The following RAB3C variants were observed in gnomAD, a reference collection of about 807,000 sequenced individuals.
RAB3C encodes the protein ras-related protein Rab-3C.
RAB3C carries 17 observed loss-of-function variants against 26.4 expected under a neutral mutation model. The observed-to-expected ratio is 0.64, with a 90% CI of 0.44 to 0.97. The LOEUF is 0.97. RAB3C is among the 50% of genes least tolerant of loss of function. The pLI is 0.00. For synonymous variants in RAB3C, 91 were observed against 95.9 expected (o/e 0.95, Z 0.30); for missense variants, 242 against 281.9 (o/e 0.86, Z 1.01).
intron 3 of RAB3C, among the ~76,000 whole-genome samples, chr5:58,809,760 G>C (rs1264895573): frequency 6.6e-6 from 1 of 152,152 alleles, no homozygotes; most frequent in African/African-American, 2.4e-5. Context: ...GCACCAGAGA[G>C]AGATCCCTCA....
chr5:58,758,643 G>A (rs1240933276), intron 3 of RAB3C, among the ~76,000 whole-genome samples: 1 of 152,084 alleles, frequency 6.6e-6, no homozygotes, highest in African/African-American at 2.4e-5. Context: ...AGATAATAAA[G>A]AAATAAATAC....
At chr5:58,724,536 A>G (rs1376791082) in intron 2 of RAB3C, among the ~76,000 whole-genome samples, 1 of 151,764 alleles carries the variant, frequency 6.6e-6, no homozygotes, top group Non-Finnish European at 1.5e-5. Context: ...ATAGTGGTGG[A>G]GCTAATATAC....
chr5:58,628,130 C>T (rs1747099854), intron 2 of RAB3C, among the ~76,000 whole-genome samples: 1 of 118,962 alleles, frequency 8.4e-6, no homozygotes, highest in East Asian at 2.8e-4. Flanking sequence ...GCACTCCAGC[C>T]TGGGCGACAA....
rs545233881 is a variant in RAB3C at position 58,773,859 on chromosome 5, C to T, written c.371+47739C>T. On this transcript the variant is annotated intron_variant, in intron 3 of 4. Transcript: ENST00000282878. Reference sequence around the variant, plus strand: ...CATCTGCTTTTTTTCTGCTTCTGCTCCCAAGTTGCAAATGCTGCTGGAGAA... The same window carrying T: ...CATCTGCTTTTTTTCTGCTTCTGCTTCCAAGTTGCAAATGCTGCTGGAGAA... Among the ~76,000 whole-genome samples the T allele has an allele frequency of 2.0e-5, 3 of 152,236 alleles. No individual in the cohort carries two copies. The East Asian group carries it at 5.8e-4, about 29-fold the overall frequency.
intron 2 of RAB3C, among the ~76,000 whole-genome samples, chr5:58,653,826 A>G (rs981215125): frequency 2.6e-5 from 4 of 152,220 alleles, no homozygotes; most frequent in Non-Finnish European, 1.5e-5. Context: ...TTGAAGTCAT[A>G]GAAAGATACA....
chr5:58,687,376 T>C (rs765031060), intron 2 of RAB3C, among the ~76,000 whole-genome samples: 1 of 152,186 alleles, frequency 6.6e-6, no homozygotes, highest in Non-Finnish European at 1.5e-5. Context: ...CCATTTAAGT[T>C]GATTTCTTCC....
chr5:58,628,453 G>A (rs879144981), intron 2 of RAB3C, among the ~76,000 whole-genome samples: 4 of 152,168 alleles, frequency 2.6e-5, no homozygotes, highest in Admixed American at 2.0e-4. Context: ...GGAAAGACCT[G>A]TAGCTGTAGT....
intron 2 of RAB3C, among the ~76,000 whole-genome samples, chr5:58,645,398 G>A (rs185327528): frequency 6.6e-6 from 1 of 152,298 alleles, no homozygotes; most frequent in South Asian, 2.1e-4. Flanking sequence ...TTACAAAGAT[G>A]CATGAAATAC....
intron 1 of RAB3C, among the ~76,000 whole-genome samples, chr5:58,597,589 T>A (rs993103153): frequency 7.1e-4 from 90 of 126,880 alleles, no homozygotes; most frequent in African/African-American, 2.3e-3. Flanking sequence ...AATATATAGT[T>A]CATTATATAT....
chr5:58,824,533 A>G (rs185044067), intron 3 of RAB3C, among the ~76,000 whole-genome samples: 180 of 152,308 alleles, frequency 1.2e-3, no homozygotes, highest in African/African-American at 3.7e-3. Flanking sequence ...TACTTCTCCC[A>G]GATTTCCTAA....
Position 58,726,217 on chromosome 5 carries a change from A to G in RAB3C, c.371+97A>G. 9.8e-6 allele frequency: 6 copies of G among 610,644 alleles called. No individual in the cohort carries two copies. In the South Asian group the frequency reaches 1.6e-4, roughly 16 times the overall value. 37.8% of individuals were successfully genotyped at this position (610,644 alleles called of 1,614,324 possible). A position where few individuals can be genotyped will look rare whatever the true frequency, so the allele number is the denominator to read the frequency against. ...CAGTGACCATACCGCAATGTAATAT[A>G]TGTGTTTACATTACACTACAATCCC... On this transcript the variant is annotated intron_variant, in intron 3 of 4. Coordinates refer to ENST00000282878, the MANE Select transcript of RAB3C (RefSeq NM_138453.4).
At chr5:58,655,303 G>A (rs574681575) in intron 2 of RAB3C, among the ~76,000 whole-genome samples, 99 of 152,280 alleles carry the variant, frequency 6.5e-4, no homozygotes, top group African/African-American at 2.3e-3. Flanking sequence ...TTGGCAAAAG[G>A]TTTTGCAGTG....
chr5:58,838,466 C>A lies in RAB3C; in HGVS notation c.497-12698C>A, dbSNP rs545105807. Among the ~76,000 whole-genome samples the A allele has an allele frequency of 2.6e-5, 4 of 152,006 alleles. No homozygotes were observed. The South Asian group carries it at 8.3e-4, about 32-fold the overall frequency. ...TCTTCACCCACTTGTCATTCAGTAGCATATTGTTTAATTTCCATGTATTTG... is the reference window on the plus strand; with the variant it reads ...TCTTCACCCACTTGTCATTCAGTAGAATATTGTTTAATTTCCATGTATTTG... On this transcript the variant is annotated intron_variant, in intron 4 of 4. Transcript: ENST00000282878.
chr5:58,786,328 G>A lies in RAB3C; in HGVS notation c.372-38710G>A, dbSNP rs544659696. ...AATTTGGCTATAGTTCTTGAGTCCA[G>A]CGTTTAGGGATGCATTGGAGGCAGC... On this transcript the variant is annotated intron_variant, in intron 3 of 4. Transcript: ENST00000282878. 2.0e-5 allele frequency among the ~76,000 whole-genome samples: 3 copies of A among 152,180 alleles called. No individual in the cohort carries two copies. The East Asian group carries it at 5.8e-4, about 29-fold the overall frequency.
chr5:58,694,934 A>G (rs537732777), intron 2 of RAB3C, among the ~76,000 whole-genome samples: 1 of 152,086 alleles, frequency 6.6e-6, no homozygotes, highest in Non-Finnish European at 1.5e-5. Flanking sequence ...CTTTAGTTTA[A>G]TTAGATCCCA....
At chr5:58,835,197 C>A (rs1743711009) in intron 4 of RAB3C, among the ~76,000 whole-genome samples, 1 of 152,088 alleles carries the variant, frequency 6.6e-6, no homozygotes, top group South Asian at 2.1e-4. Context: ...TCTCACATTC[C>A]CCAGTGAATA....
chr5:58,752,472 GA>G (rs10611772), intron 3 of RAB3C, among the ~76,000 whole-genome samples: 18,744 of 144,762 alleles, frequency 0.13, 1,415 homozygotes, highest in East Asian at 0.18. Context: ...GTCAATGACA[GA>G]AAAAAAAAAA....
At position 58,775,695 on chromosome 5, in the gene RAB3C, A is replaced by T. The variant is rs559300973; in HGVS notation, c.372-49343A>T. ...TCCATTTGTAAAAATTGATAACTAAATTTTTTTTTAAAATACCTATAGACC... is the reference window on the plus strand; with the variant it reads ...TCCATTTGTAAAAATTGATAACTAATTTTTTTTTTAAAATACCTATAGACC... On this transcript the variant is annotated intron_variant, in intron 3 of 4. Coordinates refer to ENST00000282878, the MANE Select transcript of RAB3C (RefSeq NM_138453.4). Among the ~76,000 whole-genome samples the T allele has an allele frequency of 3.5e-4, 53 of 151,822 alleles. No homozygotes were observed. The South Asian group carries it at 9.2e-3, about 26-fold the overall frequency.
intron 3 of RAB3C, among the ~76,000 whole-genome samples, chr5:58,781,504 G>A (rs1742269862): frequency 6.6e-6 from 1 of 151,556 alleles, no homozygotes; most frequent in South Asian, 2.1e-4. Context: ...GATGCACAGG[G>A]AACAAGTTAA....
Sources: gnomAD v4.1 joint callset for allele counts (sites outside exome capture counted in the v4.1 genomes callset) on GRCh38, gnomAD v4.1.1 for gene constraint, MANE v1.5 for transcripts, NCBI Gene and HGNC (gene_info 2026-07-23, HGNC 2026-07-21) for gene names.